The following MFN2 variants were observed in gnomAD, a reference collection of about 807,000 sequenced individuals.
MFN2 encodes mitofusin-2.
MFN2 carries 43 observed loss-of-function variants against 87.5 expected under a neutral mutation model. That is an observed-to-expected ratio of 0.49 (90% CI 0.38 to 0.63). The LOEUF (loss-of-function observed/expected upper bound fraction) is 0.63, where lower values mean the gene tolerates loss of function less well. Ranked by LOEUF, MFN2 falls within the 30% of genes least tolerant of loss-of-function variation. The probability of loss-of-function intolerance (pLI) is 0.00; values close to 1 mark genes in which losing one functional copy is unlikely to be tolerated. For missense variants in MFN2, 743 were observed against 972.8 expected (o/e 0.76, Z 3.14); for synonymous variants, 337 against 359.9 (o/e 0.94, Z 0.72).
At chr1:11,994,353 C>T (rs1239002894) in intron 4 of MFN2, among the ~76,000 whole-genome samples, 1 of 152,106 alleles carries the variant, frequency 6.6e-6, no homozygotes, top group Non-Finnish European at 1.5e-5. Flanking sequence ...CTTTGGGAGG[C>T]CAAGGCAGGC....
intron 3 of MFN2, 86 bp downstream of exon 3, chr1:11,989,429 T>G: frequency 2.1e-6 from 3 of 1,462,768 alleles, no homozygotes; most frequent in Non-Finnish European, 1.9e-6. Context: ...GGTATATCTC[T>G]GCTCCCAGGG....
intron 16 of MFN2, 118 bp downstream of exon 16, chr1:12,006,811 T>G: frequency 6.9e-7 from 1 of 1,451,200 alleles, no homozygotes; most frequent in Non-Finnish European, 9.6e-7. Context: ...ACTGCATACT[T>G]TCTCCTCTGT....
intron 4 of MFN2, 112 bp from the exon 5 acceptor site, chr1:11,996,044 C>G: frequency 7.4e-7 from 1 of 1,359,238 alleles, no homozygotes; most frequent in Non-Finnish European, 1.0e-6. Flanking sequence ...TGTCTGGGCA[C>G]TGGCAACATT....
chr1:11,990,107 T>C (rs796206405), intron 3 of MFN2, among the ~76,000 whole-genome samples: 5 of 152,352 alleles, frequency 3.3e-5, no homozygotes, highest in African/African-American at 1.2e-4. Context: ...TGCAGAACCC[T>C]AGAAGTTCAG....
chr1:11,996,957 G>C (rs1351839837), intron 5 of MFN2, among the ~76,000 whole-genome samples: 1 of 150,358 alleles, frequency 6.7e-6, no homozygotes, highest in Non-Finnish European at 1.5e-5. Context: ...AGGACTGCTT[G>C]AACCCAGGAG....
intron 15 of MFN2, among the ~76,000 whole-genome samples, chr1:12,006,304 C>A (rs1367107959): frequency 2.0e-5 from 3 of 152,238 alleles, no homozygotes; most frequent in African/African-American, 7.2e-5. Context: ...ACATCCCACA[C>A]TCGGGGAAGC....
rs767718891 is a variant in MFN2, at chr1:12,004,874, G to A, written c.1442G>A (p.Arg481His). 8 of 1,613,600 alleles carry A rather than the reference G, an allele frequency of 5.0e-6. No homozygotes were observed. The highest frequency in any genetic ancestry group is 1.1e-5 in the South Asian group (1 of 90,984). The part of the protein sequence containing the change: ...EEGLGRNMSD[R>H]CSTAITNSLQ... ...GGACTGGGTCGAAACATGTCTGACC[G>A]CTGCTCCACGGCCATCACCAACTCC... The change falls in exon 14 of 19, where the codon CGC becomes CAC. Residue 481 changes from arginine to histidine, a missense_variant. Transcript: ENST00000235329. This position sits in a 1 kb window ranked among gnomAD's most constrained non-coding sequence, Gnocchi z 4.2.
chr1:11,996,260 C>G lies in MFN2; in HGVS notation c.416C>G (p.Thr139Arg), dbSNP rs762169547. The change falls in exon 5 of 19, where the codon ACA becomes AGA. Residue 139 changes from threonine (T) to arginine (R), a missense_variant. Physicochemically the swap from Thr to Arg is moderately conservative, Grantham distance 71. Coordinates refer to ENST00000235329, the MANE Select transcript of MFN2 (RefSeq NM_014874.4). Reference protein sequence around the residue: ...TTNCFLRVEGTDGHEAFLLTE... With the variant: ...TTNCFLRVEGRDGHEAFLLTE... ...AATTGCTTCCTGCGGGTAGAGGGCACAGATGGCCATGAGGCCTTTCTCCTT... is the reference window on the plus strand; with the variant it reads ...AATTGCTTCCTGCGGGTAGAGGGCAGAGATGGCCATGAGGCCTTTCTCCTT... 1 of 1,614,190 alleles carries G rather than the reference C, an allele frequency of 6.2e-7. No individual in the cohort carries two copies. The highest frequency in any genetic ancestry group is 2.2e-5 in the East Asian group (1 of 44,880).
intron 17 of MFN2, among the ~76,000 whole-genome samples, chr1:12,008,164 A>G (rs1479232493): frequency 2.6e-5 from 4 of 152,356 alleles, no homozygotes; most frequent in South Asian, 4.1e-4. Context: ...ACACAGACAC[A>G]GCAACAATCT....
At chr1:11,981,917 A>T (rs1645991924) in intron 1 of MFN2, 53 bp from the exon 2 acceptor site, 1 of 70,446 alleles carries the variant, frequency 1.4e-5, no homozygotes. Context: ...TTTGTACACC[A>T]GTGTTTTTTT....
intron 2 of MFN2, among the ~76,000 whole-genome samples, chr1:11,984,280 A>G (rs1200779677): frequency 6.6e-6 from 1 of 152,044 alleles, no homozygotes; most frequent in Non-Finnish European, 1.5e-5. Flanking sequence ...TGTTTATTTG[A>G]TCTCCGTGAT....
chr1:12,007,296 G>T, intron 17 of MFN2, 47 bp downstream of exon 17: 1 of 1,593,376 alleles, frequency 6.3e-7, no homozygotes, highest in Non-Finnish European at 8.6e-7. Flanking sequence ...TTTAGGCAGG[G>T]TCAGCCCCAT....
At chr1:11,993,611 T>G (rs1569820174) in intron 4 of MFN2, among the ~76,000 whole-genome samples, 1 of 151,810 alleles carries the variant, frequency 6.6e-6, no homozygotes, top group Admixed American at 6.6e-5. Flanking sequence ...GGCGGGCGCC[T>G]GTAGTCCCAG....
At chr1:12,001,026 A>T (rs370288607) in intron 8 of MFN2, among the ~76,000 whole-genome samples, 1 of 152,000 alleles carries the variant, frequency 6.6e-6, no homozygotes, top group East Asian at 1.9e-4. Context: ...TATATTGCCT[A>T]TTCTTTTTTT....
intron 6 of MFN2, among the ~76,000 whole-genome samples, chr1:11,998,099 G>C (rs535885818): frequency 2.4e-4 from 37 of 151,168 alleles, no homozygotes; most frequent in Non-Finnish European, 5.3e-4. Context: ...GGCCAGGCTG[G>C]TCTTGAACTG....
At chr1:11,990,670 A>G (rs1638637411) in intron 3 of MFN2, among the ~76,000 whole-genome samples, 1 of 152,240 alleles carries the variant, frequency 6.6e-6, no homozygotes, top group African/African-American at 2.4e-5. Flanking sequence ...GTGCTGGGTC[A>G]GGGAAAGAAT....
chr1:12,012,004 C>T lies in MFN2; in HGVS notation c.*439C>T, dbSNP rs1044247272. The T allele has an allele frequency of 2.3e-5, 5 of 219,522 alleles. No homozygotes were observed. The highest frequency in any genetic ancestry group is 7.2e-5 in the South Asian group (1 of 13,814). 13.6% of individuals were successfully genotyped at this position (219,522 alleles called of 1,614,324 possible). The stretch of plus-strand genomic sequence containing the variant: ...CCAGCACACCTGCAGGTGTAAGGGA[C>T]GATTGGAGTTTCTTCCCAGAGAGTC... On this transcript the variant is annotated 3_prime_UTR_variant, in exon 19 of 19. Transcript: ENST00000235329.
chr1:11,982,935 T>C (rs574155557), intron 2 of MFN2, among the ~76,000 whole-genome samples: 1 of 152,358 alleles, frequency 6.6e-6, no homozygotes, highest in East Asian at 1.9e-4. Context: ...ATTTGTGAAA[T>C]GCTGAATTCA....
rs1486228792 is a variant in MFN2, at chr1:12,012,087, A to T, written c.*522A>T. 1 of 174,258 alleles carries T rather than the reference A, an allele frequency of 5.7e-6. No individual in the cohort carries two copies. Among genetic ancestry groups the T allele is most frequent in the South Asian group, 1.3e-4 (1 of 7,572 alleles). 10.8% of individuals were successfully genotyped at this position (174,258 alleles called of 1,614,324 possible). On this transcript the variant is annotated 3_prime_UTR_variant, in exon 19 of 19. Transcript: ENST00000235329. ...ATCTCGCCTGTTGGCTCAGTGCTTCATCCCATTTGCAGAGCCTCAGACACG... is the reference window on the plus strand; with the variant it reads ...ATCTCGCCTGTTGGCTCAGTGCTTCTTCCCATTTGCAGAGCCTCAGACACG...
Sources: allele counts gnomAD v4.1 joint callset (sites outside exome capture counted in the v4.1 genomes callset), GRCh38; gene constraint gnomAD v4.1.1; non-coding constraint Gnocchi (gnomAD v3.1); transcripts MANE v1.5; gene names NCBI Gene and HGNC (gene_info 2026-07-23, HGNC 2026-07-21).